Variants in IQCH observed in about 807,000 individuals in gnomAD.
The protein encoded by IQCH is IQ domain-containing protein H.
In IQCH, 98 loss-of-function variants were observed where a neutral mutation model predicts 117.0. The ratio of observed to expected loss-of-function variants is 0.84; its 90% CI spans 0.71 to 0.99. IQCH has a LOEUF of 0.99. IQCH is among the 50% of genes least tolerant of loss of function. IQCH has a pLI of 0.00. For missense variants in IQCH, 1,102 were observed against 1,243.8 expected (o/e 0.89, Z 1.72); for synonymous variants, 412 against 448.2 (o/e 0.92, Z 1.02).
intron 13 of IQCH, among the ~76,000 whole-genome samples, chr15:67,398,729 TAA>T (rs879382362): frequency 3.5e-5 from 5 of 142,374 alleles, no homozygotes; most frequent in East Asian, 2.0e-4. Flanking sequence ...ACTCTTTAGT[TAA>T]AAAAAAAAAA....
intron 16 of IQCH, among the ~76,000 whole-genome samples, chr15:67,452,720 G>T (rs1333218258): frequency 1.6e-5 from 2 of 125,338 alleles, no homozygotes; most frequent in African/African-American, 6.2e-5. Flanking sequence ...TGCTCTTCTC[G>T]AGGAGTATCT....
At chr15:67,276,938 T>C (rs1966149010) in intron 3 of IQCH, among the ~76,000 whole-genome samples, 1 of 152,242 alleles carries the variant, frequency 6.6e-6, no homozygotes, top group Admixed American at 6.5e-5. Context: ...TCCCTTCTCT[T>C]GTATTCCTAT....
intron 4 of IQCH, among the ~76,000 whole-genome samples, chr15:67,317,990 C>CT (rs1273910180): frequency 4.6e-5 from 7 of 152,078 alleles, no homozygotes; most frequent in Non-Finnish European, 8.8e-5. Context: ...TAGCAGCTGG[C>CT]TTTAGGAAGC....
chr15:67,492,478 G>T (rs571725691), intron 19 of IQCH, among the ~76,000 whole-genome samples: 5 of 152,178 alleles, frequency 3.3e-5, no homozygotes, highest in Non-Finnish European at 7.3e-5. Context: ...ATTCAGATGC[G>T]TGGAGGTCAT....
chr15:67,465,408 T>G lies in IQCH; in HGVS notation c.2676+111T>G. On this transcript the variant is annotated intron_variant, in intron 17 of 20. Coordinates refer to ENST00000335894, the MANE Select transcript of IQCH (RefSeq NM_001031715.3). The surrounding 1 kb of genome is among the most constrained non-coding windows in gnomAD (Gnocchi z 5.9). ...TTGAGTACAGGAAGAAGAAAGAGCC[T>G]AAGGCAAGTCATTGGACTTGTCTGA... is the stretch of plus-strand genomic sequence containing the variant. 3.4e-6 allele frequency: 4 copies of G among 1,172,192 alleles called. No homozygotes were observed. The highest frequency in any genetic ancestry group is 2.4e-5 in the East Asian group (1 of 42,258). 72.6% of individuals were successfully genotyped at this position (1,172,192 alleles called of 1,614,324 possible).
At chr15:67,415,801 A>C (rs1307539595) in intron 14 of IQCH, among the ~76,000 whole-genome samples, 1 of 152,208 alleles carries the variant, frequency 6.6e-6, no homozygotes, top group Admixed American at 6.5e-5. Flanking sequence ...CCATATTTTG[A>C]ATATGAATAT....
At chr15:67,296,654 G>A (rs540181906) in intron 4 of IQCH, among the ~76,000 whole-genome samples, 1 of 152,206 alleles carries the variant, frequency 6.6e-6, no homozygotes, top group East Asian at 1.9e-4. Flanking sequence ...TAAAGAATCT[G>A]ATAGGATGAT....
chr15:67,430,967 A>G lies in IQCH; in HGVS notation c.2505+9390A>G, dbSNP rs2082006795. Among the ~76,000 whole-genome samples, 2 of 152,236 alleles carry G rather than the reference A, an allele frequency of 1.3e-5. No homozygotes were observed. Among genetic ancestry groups the G allele is most frequent in the African/African-American group, 4.8e-5 (2 of 41,460 alleles). On this transcript the variant is annotated intron_variant, in intron 16 of 20. Coordinates refer to ENST00000335894, the MANE Select transcript of IQCH (RefSeq NM_001031715.3). The surrounding 1 kb of genome is among the most constrained non-coding windows in gnomAD (Gnocchi z 5.1). Reference sequence around the variant, plus strand: ...AAATGATTTTTCTACATGCATTCAGACAAGAGAAAGATCCCTTCTGTTGGG... The same window carrying G: ...AAATGATTTTTCTACATGCATTCAGGCAAGAGAAAGATCCCTTCTGTTGGG...
Position 67,366,788 on chromosome 15 carries a change from T to C in IQCH, c.754-5323T>C, listed in dbSNP as rs1970347122. Among the ~76,000 whole-genome samples the C allele has an allele frequency of 6.6e-6, 1 of 152,226 alleles. No individual in the cohort carries two copies. Among genetic ancestry groups the C allele is most frequent in the South Asian group, 2.1e-4 (1 of 4,826 alleles). On this transcript the variant is annotated intron_variant, in intron 8 of 20. Coordinates refer to ENST00000335894, the MANE Select transcript of IQCH (RefSeq NM_001031715.3). The surrounding 1 kb of genome is among the most constrained non-coding windows in gnomAD (Gnocchi z 4.4). The stretch of plus-strand genomic sequence containing the variant: ...CCCAGAATACTGGAACACTACTCTT[T>C]GGGGTTCTCTCCCCATGACCACCTT...
rs1967311399 is a variant in IQCH, at chr15:67,306,651, C to T, written c.387+27139C>T. On this transcript the variant is annotated intron_variant, in intron 4 of 20. Coordinates refer to ENST00000335894, the MANE Select transcript of IQCH (RefSeq NM_001031715.3). ...TAGTGCATTGAAAACACATATACCCCCTGCCACACACACATACTCATATTG... is the reference window on the plus strand; with the variant it reads ...TAGTGCATTGAAAACACATATACCCTCTGCCACACACACATACTCATATTG... Among the ~76,000 whole-genome samples, 4 of 152,128 alleles carry T rather than the reference C, an allele frequency of 2.6e-5. No individual in the cohort carries two copies. The South Asian group carries it at 6.2e-4, about 24-fold the overall frequency.
intron 5 of IQCH, among the ~76,000 whole-genome samples, chr15:67,340,253 C>A (rs918854968): frequency 6.6e-6 from 1 of 151,750 alleles, no homozygotes; most frequent in Admixed American, 6.6e-5. Context: ...CATGGCAAAA[C>A]CTCATCTCTA....
intron 5 of IQCH, among the ~76,000 whole-genome samples, chr15:67,337,365 C>T (rs1968942003): frequency 6.6e-6 from 1 of 152,110 alleles, no homozygotes; most frequent in Non-Finnish European, 1.5e-5. Flanking sequence ...TTAAAATGAT[C>T]ATTGTGTTTA....
rs989870159 is a variant in IQCH, at chr15:67,467,842, C to T, written c.2676+2545C>T. Among the ~76,000 whole-genome samples, 5 of 152,184 alleles carry T rather than the reference C, an allele frequency of 3.3e-5. No homozygotes were observed. The highest frequency in any genetic ancestry group is 1.2e-4 in the African/African-American group (5 of 41,428). ...AATGATAATGAGAGCGCATTCAAAA[C>T]TAATGCCTATAAAATGCTTCCAGTG... is the stretch of plus-strand genomic sequence containing the variant. On this transcript the variant is annotated intron_variant, in intron 17 of 20. Coordinates refer to ENST00000335894, the MANE Select transcript of IQCH (RefSeq NM_001031715.3). The surrounding 1 kb of genome is among the most constrained non-coding windows in gnomAD (Gnocchi z 5.7).
At chr15:67,260,311 G>A (rs2140428549) in intron 1 of IQCH, among the ~76,000 whole-genome samples, 1 of 152,286 alleles carries the variant, frequency 6.6e-6, no homozygotes, top group Admixed American at 6.5e-5. Context: ...TTCTGAGGGT[G>A]CCTGATGTTG....
At chr15:67,450,278 A>AG (rs1028494371) in intron 16 of IQCH, among the ~76,000 whole-genome samples, 12 of 152,020 alleles carry the variant, frequency 7.9e-5, no homozygotes, top group African/African-American at 2.9e-4. Flanking sequence ...GAGTGGTGAG[A>AG]GGGGGCATCC....
At chr15:67,267,273 T>A (rs1476331688) in intron 3 of IQCH, among the ~76,000 whole-genome samples, 1 of 152,252 alleles carries the variant, frequency 6.6e-6, no homozygotes, top group Non-Finnish European at 1.5e-5. Context: ...ATGTGGGTAC[T>A]CTATTTGAGA....
At chr15:67,324,274 C>T (rs1263607780) in intron 4 of IQCH, among the ~76,000 whole-genome samples, 1 of 149,990 alleles carries the variant, frequency 6.7e-6, no homozygotes, top group Non-Finnish European at 1.5e-5. Flanking sequence ...AAGCTCATGC[C>T]TGCTGGTAAC....
Position 67,400,163 on chromosome 15 carries a change from G to A in IQCH, c.1955G>A (p.Arg652His), listed in dbSNP as rs769242387. The A allele has an allele frequency of 8.1e-6, 13 of 1,613,754 alleles. No individual in the cohort carries two copies. The East Asian group carries it at 8.9e-5, about 11-fold the overall frequency. ...ATAACTGATCACCTGCAAATACAGC[G>A]TTGGCTCTTTAAAATGGACTCTGAG... ...QLITDHLQIQ[R>H]WLFKMDSEFR... Residue 652 changes from arginine to histidine, a missense_variant, in exon 14 of 21, where the codon CGT becomes CAT. By Grantham distance (29) the Arg-to-His change is conservative. Transcript: ENST00000335894.
intron 4 of IQCH, among the ~76,000 whole-genome samples, chr15:67,324,303 C>CAA (rs56279630): frequency 3.7e-4 from 48 of 128,342 alleles, no homozygotes; most frequent in East Asian, 3.0e-3. Flanking sequence ...GTCTTTTGTC[C>CAA]AAAAAAAAAA....
Sources: allele counts gnomAD v4.1 joint callset (sites outside exome capture counted in the v4.1 genomes callset), GRCh38; gene constraint gnomAD v4.1.1; non-coding constraint Gnocchi (gnomAD v3.1); transcripts MANE v1.5; gene names NCBI Gene and HGNC (gene_info 2026-07-23, HGNC 2026-07-21).